BAZ2B: variants seen among roughly 807,000 people sequenced by gnomAD.
The protein encoded by BAZ2B is bromodomain adjacent to zinc finger domain 2B, also known as bromodomain adjacent to zinc finger domain protein 2B.
A neutral mutation model predicts 246.0 loss-of-function variants in BAZ2B; 91 were observed. The ratio of observed to expected loss-of-function variants is 0.37; its 90% CI spans 0.31 to 0.44. The LOEUF (loss-of-function observed/expected upper bound fraction) is 0.44, where lower values mean the gene tolerates loss of function less well. BAZ2B is among the 20% of genes least tolerant of loss of function. The pLI, the probability that BAZ2B is intolerant of heterozygous loss-of-function variation, is 1.00. For synonymous variants in BAZ2B, 855 were observed against 860.0 expected (o/e 0.99, Z 0.10); for missense variants, 2,332 against 2,533.7 (o/e 0.92, Z 1.71).
intron 3 of BAZ2B, among the ~76,000 whole-genome samples, chr2:159,470,675 G>C (rs1452141200): frequency 6.6e-6 from 1 of 152,106 alleles, no homozygotes; most frequent in Non-Finnish European, 1.5e-5. Flanking sequence ...TTTGAAGGTA[G>C]AATCAACAGA....
In BAZ2B at chr2:159,412,495, C is replaced by T; in HGVS notation, c.2517G>A (p.Arg839=). Residue 839 remains arginine, a synonymous_variant, in exon 14 of 37, where the codon AGG becomes AGA. Transcript: ENST00000392783. ...LKEEDVIPRI[R]AMEGRRGRPP... is the part of the protein sequence containing the mutation. ...GTCTTCCTCTACGACCTTCCATTGC[C>T]CTGATACGAGGAATGACATCCTCTT... The T allele has an allele frequency of 1.2e-6, 2 of 1,614,070 alleles. No individual in the cohort carries two copies. The highest frequency in any genetic ancestry group is 1.7e-6 in the Non-Finnish European group (2 of 1,180,004).
chr2:159,637,491 G>A, the BAZ2B span, among the ~76,000 whole-genome samples: 1 of 152,254 alleles, frequency 6.6e-6, no homozygotes, highest in Admixed American at 6.5e-5. Flanking sequence ...AAACACTGGG[G>A]AAGGCCTCTA....
intron 28 of BAZ2B, 103 bp from the exon 29 acceptor site, chr2:159,349,383 T>C (rs2058324200): frequency 8.3e-7 from 1 of 1,205,894 alleles, no homozygotes; most frequent in African/African-American, 1.5e-5. Context: ...AAAATATTCT[T>C]TCATTTATTA....
At chr2:159,692,446 C>T in the BAZ2B span, among the ~76,000 whole-genome samples, 2 of 152,222 alleles carry the variant, frequency 1.3e-5, no homozygotes, top group Non-Finnish European at 2.9e-5. Context: ...GCATGAGCCA[C>T]CGTGCCTGGC....
chr2:159,639,423 C>A, the BAZ2B span, among the ~76,000 whole-genome samples: 1 of 152,062 alleles, frequency 6.6e-6, no homozygotes, highest in Admixed American at 6.6e-5. Context: ...GTGTAAATTA[C>A]TCTTAAGTAG....
chr2:159,330,708 A>C, intron 34 of BAZ2B, among the ~76,000 whole-genome samples: 1 of 151,776 alleles, frequency 6.6e-6, no homozygotes, highest in East Asian at 1.9e-4. Context: ...ATTAAAAAAA[A>C]AAAGCCAGGC....
intron 20 of BAZ2B, among the ~76,000 whole-genome samples, chr2:159,391,340 C>G (rs2063310376): frequency 6.6e-6 from 1 of 152,086 alleles, no homozygotes; most frequent in Non-Finnish European, 1.5e-5. Context: ...AAGGTTTGGG[C>G]ATGTCACTCT....
chr2:159,481,981 T>C (rs2079286042), intron 2 of BAZ2B, among the ~76,000 whole-genome samples: 1 of 152,084 alleles, frequency 6.6e-6, no homozygotes, highest in Admixed American at 6.6e-5. Flanking sequence ...TAGTATTCTA[T>C]CAATGTTAAT....
chr2:159,349,377 T>C, intron 28 of BAZ2B, 97 bp from the exon 29 acceptor site: 1 of 1,240,294 alleles, frequency 8.1e-7, no homozygotes, highest in Non-Finnish European at 1.1e-6. Context: ...TTCCAAAAAA[T>C]ATTCTTTCAT....
the BAZ2B span, among the ~76,000 whole-genome samples, chr2:159,662,433 C>G: frequency 6.6e-6 from 1 of 152,220 alleles, no homozygotes; most frequent in African/African-American, 2.4e-5. Context: ...CACACAGTGG[C>G]TGAACCACTT....
At chr2:159,699,355 C>T in the BAZ2B span, among the ~76,000 whole-genome samples, 1 of 152,008 alleles carries the variant, frequency 6.6e-6, no homozygotes, top group Admixed American at 6.6e-5. Flanking sequence ...CAAGCCTGGG[C>T]AACACAGTGA....
the BAZ2B span, among the ~76,000 whole-genome samples, chr2:159,626,777 C>A: frequency 6.6e-6 from 1 of 152,164 alleles, no homozygotes; most frequent in South Asian, 2.1e-4. Context: ...CAAGATCAAA[C>A]AAATTCAAAA....
intron 3 of BAZ2B, chr2:159,463,249 T>C: frequency 2.3e-6 from 1 of 437,614 alleles, no homozygotes; most frequent in East Asian, 5.3e-5. Context: ...ATCATTGAAG[T>C]TGGCCATCTT....
chr2:159,374,608 G>GCAGT, intron 26 of BAZ2B, 83 bp downstream of exon 26: 1 of 1,190,466 alleles, frequency 8.4e-7, no homozygotes, highest in Non-Finnish European at 1.2e-6. Flanking sequence ...TTTTTGCTTA[G>GCAGT]CAGTCAGAAA....
At chr2:159,328,070 G>GAAAAAAAAAAAA (rs1306873341) in intron 34 of BAZ2B, among the ~76,000 whole-genome samples, 1 of 49,528 alleles carries the variant, frequency 2.0e-5, no homozygotes, top group Non-Finnish European at 4.4e-5. Context: ...GCCTCAAAAC[G>GAAAAAAAAAAAA]AAAAAAAAAA....
chr2:159,488,513 A>G (rs62173239), intron 2 of BAZ2B, among the ~76,000 whole-genome samples: 2,643 of 152,320 alleles, frequency 0.017, 36 homozygotes, highest in Middle Eastern at 0.031. Flanking sequence ...ATGTACCCAC[A>G]ACATTTGAAA....
chr2:159,553,193 G>C (rs978650035), intron 2 of BAZ2B, among the ~76,000 whole-genome samples: 1 of 151,648 alleles, frequency 6.6e-6, no homozygotes, highest in Non-Finnish European at 1.5e-5. Flanking sequence ...TCAGGAGTTC[G>C]AGGCCAGCCT....
Position 159,348,803 on chromosome 2 carries a change from T to C in BAZ2B, c.5168A>G (p.Asp1723Gly), listed in dbSNP as rs1459795106. The change falls in exon 30 of 37, where the codon GAC becomes GGC. Residue 1723 changes from aspartate (D) to glycine (G), a missense_variant. This residue lies in a region of BAZ2B where 676 missense variants were observed against 668.6 expected (regional missense o/e 1.01). Transcript: ENST00000392783. Reference protein sequence around the residue: ...EMQFGWWRIIDPEDLKALLKV... With the variant: ...EMQFGWWRIIGPEDLKALLKV... ...GAGCAAAGCTTTTAGGTCCTCTGGG[T>C]CAATAATTCTCCACCAACCAAACTG... is the stretch of plus-strand genomic sequence containing the variant. The C allele has an allele frequency of 6.2e-7, 1 of 1,606,688 alleles. No homozygotes were observed. Among genetic ancestry groups the C allele is most frequent in the Non-Finnish European group, 8.5e-7 (1 of 1,178,328 alleles).
At chr2:159,457,077 G>T (rs955930795) in intron 3 of BAZ2B, among the ~76,000 whole-genome samples, 3 of 152,010 alleles carry the variant, frequency 2.0e-5, no homozygotes, top group Non-Finnish European at 1.5e-5. Context: ...ACAAAACACA[G>T]ATAGTAATTC....
Sources: gnomAD v4.1 joint callset for allele counts (sites outside exome capture counted in the v4.1 genomes callset) on GRCh38, gnomAD v4.1.1 for gene constraint, gnomAD v4.1.1 regional missense constraint, MANE v1.5 for transcripts, NCBI Gene and HGNC (gene_info 2026-07-23, HGNC 2026-07-21) for gene names.